The following TRPS1 variants were observed in gnomAD, a reference collection of about 807,000 sequenced individuals.
TRPS1 encodes transcriptional repressor GATA binding 1, also known as zinc finger transcription factor Trps1.
In TRPS1, 6 loss-of-function variants were observed where a neutral mutation model predicts 101.2. That is an observed-to-expected ratio of 0.06 (90% CI 0.03 to 0.12). TRPS1 has a LOEUF of 0.12. TRPS1 is among the 10% of genes least tolerant of loss of function. The pLI, the probability that TRPS1 is intolerant of heterozygous loss-of-function variation, is 1.00. For missense variants in TRPS1, 1,363 were observed against 1,567.0 expected (o/e 0.87, Z 2.20); for synonymous variants, 578 against 589.8 (o/e 0.98, Z 0.29).
chr8:115,601,693 A>C lies in TRPS1; in HGVS notation c.2096+2180T>G, dbSNP rs146865092. Among the ~76,000 whole-genome samples, 178 of 152,338 alleles carry C rather than the reference A, an allele frequency of 1.2e-3. 2 individuals are homozygous for C. The highest frequency in any genetic ancestry group is 9.3e-3 in the South Asian group (45 of 4,828). ...GACTTAAGGTCAAAATGAACAGACA[A>C]CTGTCATTTGGCATGGAAGCCTAGG... On this transcript the variant is annotated intron_variant, in intron 4 of 6. Coordinates refer to ENST00000395715, the MANE Select transcript of TRPS1 (RefSeq NM_014112.5).
intron 1 of TRPS1, among the ~76,000 whole-genome samples, chr8:115,641,014 A>G (rs1818883199): frequency 6.6e-6 from 1 of 152,220 alleles, no homozygotes; most frequent in South Asian, 2.1e-4. Flanking sequence ...TGCAGGGAAC[A>G]GTCTGGATTC....
At chr8:115,537,412 A>T (rs1816348970) in intron 5 of TRPS1, among the ~76,000 whole-genome samples, 1 of 152,186 alleles carries the variant, frequency 6.6e-6, no homozygotes, top group Non-Finnish European at 1.5e-5. Flanking sequence ...TTACCTACAG[A>T]GGACTATAAA....
chr8:115,486,315 A>C (rs959645514), intron 5 of TRPS1, among the ~76,000 whole-genome samples: 3 of 152,178 alleles, frequency 2.0e-5, no homozygotes, highest in Non-Finnish European at 4.4e-5. Context: ...TGCTCCACTG[A>C]CCAGCCATTC....
In TRPS1 at chr8:115,523,864, C is replaced by T. The variant is rs191995323; in HGVS notation, c.2700+63137G>A. On this transcript the variant is annotated intron_variant, in intron 5 of 6. Coordinates refer to ENST00000395715, the MANE Select transcript of TRPS1 (RefSeq NM_014112.5). The stretch of plus-strand genomic sequence containing the variant: ...TGAATTGTAAAAAATTCCTGGCCAA[C>T]TGGAAGGCTGACAAGGTTACTGCCA... 3.0e-4 allele frequency among the ~76,000 whole-genome samples: 46 copies of T among 152,232 alleles called. No homozygotes were observed. The East Asian group carries it at 6.8e-3, about 22-fold the overall frequency.
At chr8:115,438,048 T>A (rs953358816) in intron 5 of TRPS1, among the ~76,000 whole-genome samples, 1 of 152,076 alleles carries the variant, frequency 6.6e-6, no homozygotes, top group Non-Finnish European at 1.5e-5. Flanking sequence ...TGAAAGCAAG[T>A]CAATACCATC....
chr8:115,544,158 C>A (rs570511469), intron 5 of TRPS1, among the ~76,000 whole-genome samples: 1 of 149,288 alleles, frequency 6.7e-6, no homozygotes, highest in Admixed American at 6.8e-5. Context: ...AAGAAACAAG[C>A]GGCTAAGAGG....
At chr8:115,532,138 G>T (rs970996360) in intron 5 of TRPS1, among the ~76,000 whole-genome samples, 8 of 151,988 alleles carry the variant, frequency 5.3e-5, no homozygotes, top group African/African-American at 1.7e-4. Context: ...ATCAGACCTT[G>T]GAAAATACAT....
At chr8:115,424,388 T>A (rs1813140448) in intron 5 of TRPS1, among the ~76,000 whole-genome samples, 1 of 152,192 alleles carries the variant, frequency 6.6e-6, no homozygotes, top group African/African-American at 2.4e-5. Context: ...AGTGGTAAAT[T>A]AAGTCAATTA....
chr8:115,560,145 C>A (rs193216249), intron 5 of TRPS1, among the ~76,000 whole-genome samples: 2 of 152,108 alleles, frequency 1.3e-5, no homozygotes, highest in Admixed American at 6.5e-5. Context: ...AATCAACATT[C>A]CTTCATTTCT....
rs541984231 is a variant in TRPS1 at position 115,612,868 on chromosome 8, G to C, written c.966+6264C>G. 5.9e-5 allele frequency among the ~76,000 whole-genome samples: 9 copies of C among 152,230 alleles called. No homozygotes were observed. The South Asian group carries it at 1.9e-3, about 32-fold the overall frequency. ...GCACACTCAAATTGGACACTCTAAA[G>C]GCATTCTGATTTGTTCTCTGCTTCC... On this transcript the variant is annotated intron_variant, in intron 3 of 6. Transcript: ENST00000395715.
chr8:115,456,885 T>G, intron 5 of TRPS1, among the ~76,000 whole-genome samples: 1 of 152,156 alleles, frequency 6.6e-6, no homozygotes, highest in African/African-American at 2.4e-5. Context: ...ATAAAATATA[T>G]AGAAATATAT....
At chr8:115,538,535 A>G (rs1816376382) in intron 5 of TRPS1, among the ~76,000 whole-genome samples, 1 of 151,988 alleles carries the variant, frequency 6.6e-6, no homozygotes. Flanking sequence ...AACTACCCAA[A>G]TGACTATGAG....
chr8:115,484,737 T>C (rs1814836575), intron 5 of TRPS1, among the ~76,000 whole-genome samples: 1 of 152,176 alleles, frequency 6.6e-6, no homozygotes, highest in South Asian at 2.1e-4. Context: ...ATACTAATTT[T>C]CCAATTTTAT....
intron 5 of TRPS1, among the ~76,000 whole-genome samples, chr8:115,501,597 C>G (rs1000336869): frequency 6.6e-6 from 1 of 152,070 alleles, no homozygotes; most frequent in Non-Finnish European, 1.5e-5. Flanking sequence ...AAAGTGCTCA[C>G]GAAAAATAAA....
chr8:115,501,512 T>C (rs1422271770), intron 5 of TRPS1, among the ~76,000 whole-genome samples: 1 of 152,210 alleles, frequency 6.6e-6, no homozygotes, highest in Non-Finnish European at 1.5e-5. Context: ...TTTATGTTCA[T>C]ACAAAAATAT....
At chr8:115,455,632 A>G (rs1372952129) in intron 5 of TRPS1, among the ~76,000 whole-genome samples, 6 of 152,178 alleles carry the variant, frequency 3.9e-5, no homozygotes, top group African/African-American at 1.2e-4. Context: ...AGATTTTGAA[A>G]CAGAGCTGAA....
At position 115,619,328 on chromosome 8, in the gene TRPS1, C is replaced by T. The variant is rs1270099792; in HGVS notation, c.770G>A (p.Arg257Gln). The T allele has an allele frequency of 1.9e-6, 3 of 1,614,182 alleles. No homozygotes were observed. The highest frequency in any genetic ancestry group is 1.7e-6 in the Non-Finnish European group (2 of 1,180,028). ...GTTATGCAGTCCTAAGTGATACTTT[C>T]GGAAGTGCTTAATCAGATCTGTGGG... Reference protein sequence around the residue: ...NDPTDLIKHFRKYHLGLHNRT... With the variant: ...NDPTDLIKHFQKYHLGLHNRT... The change falls in exon 3 of 7, where the codon CGA becomes CAA. Residue 257 changes from arginine (R) to glutamine (Q), a missense_variant. Around this residue, in one of 5 missense-constraint regions of TRPS1, gnomAD observed 1,020 missense variants for 1,073.0 expected, o/e 0.95. Coordinates refer to ENST00000395715, the MANE Select transcript of TRPS1 (RefSeq NM_014112.5).
In TRPS1 at chr8:115,488,673, A is replaced by T. The variant is rs189793604; in HGVS notation, c.2701-70221T>A. Among the ~76,000 whole-genome samples the T allele has an allele frequency of 4.1e-4, 62 of 152,282 alleles. 1 individual carries two copies. Among genetic ancestry groups the T allele is most frequent in the Middle Eastern group, 3.4e-3 (1 of 294 alleles). ...CTCGCAACAGAGTGAGATTCCGTCAAAAACAAAAACCAAAAAACAAAAAAA... is the reference window on the plus strand; with the variant it reads ...CTCGCAACAGAGTGAGATTCCGTCATAAACAAAAACCAAAAAACAAAAAAA... On this transcript the variant is annotated intron_variant, in intron 5 of 6. Coordinates refer to ENST00000395715, the MANE Select transcript of TRPS1 (RefSeq NM_014112.5).
At chr8:115,427,994 A>G (rs1813230956) in intron 5 of TRPS1, among the ~76,000 whole-genome samples, 1 of 152,130 alleles carries the variant, frequency 6.6e-6, no homozygotes, top group South Asian at 2.1e-4. Context: ...GCTACATGGG[A>G]GGTTAGCTGT....
Sources: gnomAD v4.1 joint callset for allele counts (sites outside exome capture counted in the v4.1 genomes callset) on GRCh38, gnomAD v4.1.1 for gene constraint, gnomAD v4.1.1 regional missense constraint, MANE v1.5 for transcripts, NCBI Gene and HGNC (gene_info 2026-07-23, HGNC 2026-07-21) for gene names.